The following ATXN1 variants were observed in gnomAD, a reference collection of about 807,000 sequenced individuals.
ATXN1 encodes ataxin-1.
Under a neutral mutation model 56.4 loss-of-function variants are expected in ATXN1, and 8 were observed. The observed-to-expected ratio is 0.14, with a 90% CI of 0.08 to 0.26. The LOEUF (loss-of-function observed/expected upper bound fraction) is 0.26, where lower values mean the gene tolerates loss of function less well. Ranked by LOEUF, ATXN1 falls within the 10% of genes least tolerant of loss-of-function variation. ATXN1 has a pLI of 1.00. For synonymous variants in ATXN1, 514 were observed against 494.6 expected, an observed-to-expected ratio of 1.04 and a Z score of -0.52; for missense variants, 987 against 1,106.5, an observed-to-expected ratio of 0.89 and a Z score of 1.53.
rs1554110307 is a variant in ATXN1, at chr6:16,491,279, T to TTA, written c.-298-5171_-298-5170insTA. On this transcript the variant is annotated intron_variant, in intron 5 of 7. Coordinates refer to ENST00000436367, the MANE Select transcript of ATXN1 (RefSeq NM_001128164.2). ...GGCTAATTATTATTATTATTATTAT[T>TTA]TTTTTTTTTTTTTTTTTTTTTTGAT... 4.6e-5 allele frequency among the ~76,000 whole-genome samples: 5 copies of TTA among 108,570 alleles called. No individual in the cohort carries two copies. In the Admixed American group the frequency reaches 4.9e-4, roughly 11 times the overall value. 71.2% of individuals were successfully genotyped at this position (108,570 alleles called of 152,430 possible).
chr6:16,665,786 C>T (rs528917509), intron 2 of ATXN1, among the ~76,000 whole-genome samples: 237 of 152,208 alleles, frequency 1.6e-3, no homozygotes, highest in African/African-American at 4.1e-3. Flanking sequence ...TATCTGTGGG[C>T]GGAAAACTGT....
At chr6:16,603,198 G>A (rs369647932) in intron 3 of ATXN1, among the ~76,000 whole-genome samples, 3 of 152,286 alleles carry the variant, frequency 2.0e-5, no homozygotes, top group South Asian at 2.1e-4. Flanking sequence ...TTGGGCCCTC[G>A]AGCCAGGCGT....
chr6:16,522,194 G>A (rs183426858), intron 5 of ATXN1, among the ~76,000 whole-genome samples: 1 of 152,204 alleles, frequency 6.6e-6, no homozygotes, highest in East Asian at 1.9e-4. Flanking sequence ...TAGGGCCTTT[G>A]CCAGACAAGC....
chr6:16,494,903 GGGAGGTCT>G (rs1760749921), intron 5 of ATXN1, among the ~76,000 whole-genome samples: 1 of 152,192 alleles, frequency 6.6e-6, no homozygotes, highest in Non-Finnish European at 1.5e-5. Flanking sequence ...CCAGAAGACA[GGGAGGTCT>G]GGGTCTAGAA....
chr6:16,456,382 A>G (rs1759873684), intron 6 of ATXN1, among the ~76,000 whole-genome samples: 1 of 152,210 alleles, frequency 6.6e-6, no homozygotes, highest in Non-Finnish European at 1.5e-5. Context: ...AAAAGCAACT[A>G]GCATGGCCAC....
intron 1 of ATXN1, among the ~76,000 whole-genome samples, chr6:16,756,048 G>A (rs184841259): frequency 2.0e-5 from 3 of 152,004 alleles, no homozygotes; most frequent in Admixed American, 6.5e-5. Flanking sequence ...GTAGTAATGC[G>A]TAATACAAAT....
intron 4 of ATXN1, among the ~76,000 whole-genome samples, chr6:16,577,833 A>C (rs1450558040): frequency 6.6e-6 from 1 of 152,214 alleles, no homozygotes; most frequent in Non-Finnish European, 1.5e-5. Flanking sequence ...AGGGCTCTAC[A>C]ATTTACAAAA....
chr6:16,637,905 A>C (rs1763629519), intron 3 of ATXN1, among the ~76,000 whole-genome samples: 1 of 152,214 alleles, frequency 6.6e-6, no homozygotes, highest in Non-Finnish European at 1.5e-5. Context: ...CCAAGATATA[A>C]ATTTCCTTGG....
chr6:16,507,041 T>C (rs1291849024), intron 5 of ATXN1, among the ~76,000 whole-genome samples: 1 of 152,196 alleles, frequency 6.6e-6, no homozygotes, highest in African/African-American at 2.4e-5. Flanking sequence ...ACTGTCCTTC[T>C]TACCCAAATT....
chr6:16,560,222 G>A (rs1762091114), intron 4 of ATXN1, among the ~76,000 whole-genome samples: 1 of 152,036 alleles, frequency 6.6e-6, no homozygotes, highest in Non-Finnish European at 1.5e-5. Flanking sequence ...GTCCTGACAG[G>A]AGCTGGAGAC....
rs1306109222 is a variant in ATXN1, at chr6:16,760,095, G to A, written c.-730+1203C>T. ...CGTCCGGCCCCCTTCCCTGCCCCCT[G>A]CGGGACCGGCCTGCGCGCAGCACTG... On this transcript the variant is annotated intron_variant, in intron 1 of 7. Transcript: ENST00000436367. The surrounding 1 kb of genome is among the most constrained non-coding windows in gnomAD (Gnocchi z 5.3). Among the ~76,000 whole-genome samples, 1 of 151,944 alleles carries A rather than the reference G, an allele frequency of 6.6e-6. No homozygotes were observed. Among genetic ancestry groups the A allele is most frequent in the Non-Finnish European group, 1.5e-5 (1 of 67,970 alleles).
At chr6:16,614,325 G>A (rs1203778596) in intron 3 of ATXN1, among the ~76,000 whole-genome samples, 1 of 151,220 alleles carries the variant, frequency 6.6e-6, no homozygotes. Flanking sequence ...TTTATGGGTT[G>A]CCATTTTGGT....
At chr6:16,420,491 A>G (rs932840405) in intron 6 of ATXN1, among the ~76,000 whole-genome samples, 2 of 152,202 alleles carry the variant, frequency 1.3e-5, no homozygotes, top group African/African-American at 4.8e-5. Flanking sequence ...AAGACTGAAG[A>G]GGTGAAGCTG....
At chr6:16,466,132 C>A (rs562190702) in intron 6 of ATXN1, among the ~76,000 whole-genome samples, 35 of 151,962 alleles carry the variant, frequency 2.3e-4, no homozygotes, top group African/African-American at 8.2e-4. Flanking sequence ...CTGGCTAACA[C>A]AGTGAAACCC....
intron 6 of ATXN1, among the ~76,000 whole-genome samples, chr6:16,452,233 T>C (rs1463210053): frequency 2.0e-5 from 3 of 152,234 alleles, no homozygotes; most frequent in African/African-American, 7.2e-5. Context: ...GTAAAGATTA[T>C]GTTTTCTCCG....
chr6:16,546,192 A>G (rs1026024360), intron 4 of ATXN1, among the ~76,000 whole-genome samples: 18 of 152,234 alleles, frequency 1.2e-4, no homozygotes, highest in African/African-American at 4.3e-4. Context: ...AAAGACTCAC[A>G]ATAGAACACC....
rs374824861 is a variant in ATXN1, at chr6:16,612,855, C to T, written c.-488-26948G>A. ...GCAGTGAGCCGAGAGTGCACCACTG[C>T]ACTCCAGCCTGGTGACAGAGAGAGA... On this transcript the variant is annotated intron_variant, in intron 3 of 7. Coordinates refer to ENST00000436367, the MANE Select transcript of ATXN1 (RefSeq NM_001128164.2). Among the ~76,000 whole-genome samples the T allele has an allele frequency of 3.3e-4, 50 of 149,382 alleles. No individual in the cohort carries two copies. The East Asian group carries it at 8.5e-3, about 25-fold the overall frequency.
intron 3 of ATXN1, among the ~76,000 whole-genome samples, chr6:16,627,409 T>C (rs1024789194): frequency 3.9e-5 from 6 of 152,140 alleles, no homozygotes; most frequent in African/African-American, 7.2e-5. Context: ...AACCATTTCA[T>C]ACATATCACC....
chr6:16,443,541 T>C (rs1242867550), intron 6 of ATXN1, among the ~76,000 whole-genome samples: 4 of 152,186 alleles, frequency 2.6e-5, no homozygotes, highest in Admixed American at 2.6e-4. Flanking sequence ...ATTGTCCATC[T>C]CTAGCCCAGT....
Sources: gnomAD v4.1 joint callset for allele counts (sites outside exome capture counted in the v4.1 genomes callset) on GRCh38, gnomAD v4.1.1 for gene constraint, Gnocchi (gnomAD v3.1) non-coding constraint, MANE v1.5 for transcripts, NCBI Gene and HGNC (gene_info 2026-07-23, HGNC 2026-07-21) for gene names.